ZFY: variants seen among roughly 807,000 people sequenced by gnomAD.
The protein encoded by ZFY is zinc finger Y-chromosomal protein.
For synonymous variants in ZFY, 47 were observed against 55.8 expected, an observed-to-expected ratio of 0.84 and a Z score of 0.71; for missense variants, 113 against 170.9, an observed-to-expected ratio of 0.66 and a Z score of 1.89.
intron 1 of ZFY, among the ~76,000 whole-genome samples, chrY:2,952,444 G>A: frequency 9.0e-5 from 3 of 33,480 alleles, no homozygotes; most frequent in Admixed American, 2.7e-4. Context: ...AGATTGTTTG[G>A]GTAGAGGGAG....
At chrY:2,959,717 T>G in intron 2 of ZFY, among the ~76,000 whole-genome samples, 1 of 33,304 alleles carries the variant, frequency 3.0e-5, no homozygotes, top group Non-Finnish European at 7.4e-5. Flanking sequence ...TTGCCCTTGG[T>G]GATCATTTTT....
At chrY:2,961,741 TA>T in intron 3 of ZFY, 95 bp downstream of exon 3, 2 of 224,297 alleles carry the variant, frequency 8.9e-6, no homozygotes, top group Non-Finnish European at 1.4e-5. Flanking sequence ...TTAACTTCTG[TA>T]AAGTTAAAGT....
At chrY:2,974,376 G>A in intron 3 of ZFY, among the ~76,000 whole-genome samples, 1 of 31,200 alleles carries the variant, frequency 3.2e-5, no homozygotes, top group Non-Finnish European at 7.7e-5. Flanking sequence ...TGGAGACAGA[G>A]GTTTCACTAT....
At chrY:2,972,980 A>G (rs539598829) in intron 3 of ZFY, among the ~76,000 whole-genome samples, 2 of 33,615 alleles carry the variant, frequency 5.9e-5, no homozygotes, top group African/African-American at 2.3e-4. Context: ...AAAAGTAACT[A>G]CATTATTATG....
chrY:2,938,117 A>T (rs1603310536), intron 1 of ZFY, among the ~76,000 whole-genome samples: 1 of 19,223 alleles, frequency 5.2e-5, no homozygotes, highest in Non-Finnish European at 1.1e-4. Context: ...CCTTCCAAGT[A>T]GCTGGGACTA....
intron 1 of ZFY, among the ~76,000 whole-genome samples, chrY:2,940,255 A>G: frequency 3.0e-5 from 1 of 33,474 alleles, no homozygotes; most frequent in African/African-American, 1.2e-4. Context: ...TTTTAAACGT[A>G]GTATTTTCAT....
At position 2,975,110 on chromosome Y, in the gene ZFY, A is replaced by G. The variant is rs897439284; in HGVS notation, c.650A>G (p.Lys217Arg). Reference protein sequence around the residue: ...YLMISLDDAGKIEHDGSTGVT... With the variant: ...YLMISLDDAGRIEHDGSTGVT... Reference sequence around the variant, plus strand: ...GCCTTTTCAGTGGATGATGCTGGCAAAATAGAACATGATGGTTCCACTGGA... The same window carrying G: ...GCCTTTTCAGTGGATGATGCTGGCAGAATAGAACATGATGGTTCCACTGGA... Residue 217 changes from lysine to arginine, a missense_variant, in exon 4 of 8, where the codon AAA (lysine) becomes AGA (arginine). By Grantham distance (26) the Lys-to-Arg change is conservative (BLOSUM62 2). Coordinates refer to ENST00000155093, the MANE Select transcript of ZFY (RefSeq NM_003411.4). 2.3e-5 allele frequency: 9 copies of G among 396,873 alleles called. No homozygotes were observed. The highest frequency in any genetic ancestry group is 1.2e-3 in the Middle Eastern group (2 of 1,703).
chrY:2,939,017 AT>A (rs2051230821), intron 1 of ZFY, among the ~76,000 whole-genome samples: 1 of 19,846 alleles, frequency 5.0e-5, no homozygotes, highest in Non-Finnish European at 1.2e-4. Flanking sequence ...ATATATATAT[AT>A]ATATAAATAA....
intron 1 of ZFY, among the ~76,000 whole-genome samples, chrY:2,947,593 G>GT (rs2051266041): frequency 3.0e-5 from 1 of 33,289 alleles, no homozygotes; most frequent in Admixed American, 2.7e-4. Context: ...ACATTCACCA[G>GT]TTTTTTATAC....
chrY:2,979,645 C>G lies in ZFY; in HGVS notation c.2058C>G (p.His686Gln). 2.5e-6 allele frequency: 1 copy of G among 399,030 alleles called. No individual in the cohort carries two copies. Among genetic ancestry groups the G allele is most frequent in the Non-Finnish European group, 3.5e-6 (1 of 283,698 alleles). The part of the protein sequence containing the change: ...HVAVHKGKKM[H>Q]QCRHCDFKIA... ...CTGTCCACAAAGGTAAAAAAATGCACCAATGTAGACATTGTGACTTTAAGA... is the reference window on the plus strand; with the variant it reads ...CTGTCCACAAAGGTAAAAAAATGCAGCAATGTAGACATTGTGACTTTAAGA... The change falls in exon 8 of 8, where the codon CAC (histidine) becomes CAG (glutamine). Residue 686 changes from histidine (H) to glutamine (Q), a missense_variant. His to Gln is a conservative substitution (Grantham distance 24). Transcript: ENST00000155093.
At chrY:2,958,222 TAA>T (rs2051299134) in intron 2 of ZFY, among the ~76,000 whole-genome samples, 1 of 33,779 alleles carries the variant, frequency 3.0e-5, no homozygotes, top group Non-Finnish European at 7.4e-5. Flanking sequence ...ATGTGGTATA[TAA>T]GTCATAACAT....
chrY:2,976,770 T>C lies in ZFY; in HGVS notation c.1029T>C (p.Ile343=), dbSNP rs1170926624. 1.3e-5 allele frequency: 5 copies of C among 395,515 alleles called. No individual in the cohort carries two copies. The Admixed American group carries it at 3.8e-4, about 30-fold the overall frequency. ...AAAAAVHEQQ[I]DEDEMKTFVP... ...CAGCTGCTGTGCATGAGCAGCAAATTGATGAGGATGAAATGAAAACCTTCG... is the reference window on the plus strand; with the variant it reads ...CAGCTGCTGTGCATGAGCAGCAAATCGATGAGGATGAAATGAAAACCTTCG... Residue 343 remains isoleucine (I), a synonymous_variant, in exon 6 of 8, where the codon ATT becomes ATC. Coordinates refer to ENST00000155093, the MANE Select transcript of ZFY (RefSeq NM_003411.4).
chrY:2,942,876 C>A (rs528736785), intron 1 of ZFY, among the ~76,000 whole-genome samples: 590 of 33,355 alleles, frequency 0.018, no homozygotes, highest in Admixed American at 0.11. Flanking sequence ...ACTATACCTA[C>A]AATATATTAA....
intron 1 of ZFY, among the ~76,000 whole-genome samples, 166 bp downstream of exon 1, chrY:2,935,935 AAAT>A (rs2051214028): frequency 2.9e-5 from 1 of 34,373 alleles, no homozygotes; most frequent in Non-Finnish European, 7.3e-5. Context: ...TCTGGAAAAA[AAAT>A]TCGGTTATGA....
At chrY:2,968,270 T>C in intron 3 of ZFY, among the ~76,000 whole-genome samples, 1 of 32,722 alleles carries the variant, frequency 3.1e-5, no homozygotes, top group Admixed American at 2.8e-4. Context: ...AACGAAAATA[T>C]TTGCCGTGGC....
intron 3 of ZFY, among the ~76,000 whole-genome samples, chrY:2,968,276 G>A: frequency 6.4e-5 from 2 of 31,290 alleles, no homozygotes; most frequent in Non-Finnish European, 1.5e-4. Context: ...AATATTTGCC[G>A]TGGCATGATG....
At chrY:2,960,618 GA>G (rs2051306114) in intron 2 of ZFY, among the ~76,000 whole-genome samples, 8 of 31,593 alleles carry the variant, frequency 2.5e-4, no homozygotes, top group African/African-American at 9.8e-4. Flanking sequence ...AGGAGATGAT[GA>G]AAGAAGGAAG....
intron 1 of ZFY, among the ~76,000 whole-genome samples, chrY:2,945,743 T>A (rs2051260676): frequency 2.1e-4 from 7 of 33,733 alleles, no homozygotes; most frequent in Admixed American, 1.9e-3. Context: ...CCCAAAGTGC[T>A]GGGATTAGAG....
chrY:2,964,786 G>A, intron 3 of ZFY, among the ~76,000 whole-genome samples: 1 of 32,994 alleles, frequency 3.0e-5, no homozygotes, highest in Non-Finnish European at 7.4e-5. Flanking sequence ...AATCCTAGTG[G>A]TTTGGGAGGC....
Sources: allele counts gnomAD v4.1 joint callset (sites outside exome capture counted in the v4.1 genomes callset), GRCh38; gene constraint gnomAD v4.1.1; transcripts MANE v1.5; gene names NCBI Gene and HGNC (gene_info 2026-07-23, HGNC 2026-07-21).